Variants in COMMD8 observed in about 807,000 individuals in gnomAD.
The protein encoded by COMMD8 is COMM domain containing 8, also known as COMM domain-containing protein 8.
In COMMD8, 28 loss-of-function variants were observed where a neutral mutation model predicts 27.2. The observed-to-expected ratio is 1.03, with a 90% CI of 0.76 to 1.41. COMMD8 has a LOEUF of 1.41. Among genes scored for constraint, COMMD8 ranks in the 40% most tolerant of loss-of-function variants. The probability of loss-of-function intolerance (pLI) is 0.00; values close to 1 mark genes in which losing one functional copy is unlikely to be tolerated. For missense variants in COMMD8, 217 were observed against 211.2 expected (o/e 1.03, Z -0.17); for synonymous variants, 79 against 75.5 (o/e 1.05, Z -0.24).
In COMMD8 at chr4:47,453,088, G is replaced by A. The variant is rs1402543162; in HGVS notation, c.502C>T (p.Leu168=). Residue 168 remains leucine, a synonymous_variant, in exon 4 of 5, where the codon CTA becomes TTA. Coordinates refer to ENST00000381571, the MANE Select transcript of COMMD8 (RefSeq NM_017845.5). ...IEMSREELQN[L]IQSLEAANKV... ...TTCGCTGCTTCCAAGGACTGTATTA[G>A]ATTCTGCAGCTCCTCTCTACTCATT... 1 of 1,613,140 alleles carries A rather than the reference G, an allele frequency of 6.2e-7. No homozygotes were observed.
intron 3 of COMMD8, among the ~76,000 whole-genome samples, chr4:47,455,503 A>G (rs1729864873): frequency 1.3e-5 from 2 of 152,280 alleles, no homozygotes; most frequent in Non-Finnish European, 2.9e-5. Context: ...CACTTGTTAT[A>G]GCTCTAGTTT....
At chr4:47,454,271 G>T (rs892719051) in intron 3 of COMMD8, among the ~76,000 whole-genome samples, 9 of 152,088 alleles carry the variant, frequency 5.9e-5, no homozygotes, top group African/African-American at 1.9e-4. Flanking sequence ...AATAATATAC[G>T]TTAGTCCTTC....
intron 4 of COMMD8, among the ~76,000 whole-genome samples, chr4:47,452,783 G>A (rs1284896684): frequency 6.6e-6 from 1 of 152,150 alleles, no homozygotes; most frequent in Non-Finnish European, 1.5e-5. Context: ...ATCACTTGAG[G>A]TCAAGAGTTT....
At position 47,453,234 on chromosome 4, in the gene COMMD8, T is replaced by C. The variant is rs753521488; in HGVS notation, c.376-20A>G. ...TGCAAGCTGTTTAAAATCAGAAAAA[T>C]AGCAATTAATAAATAGTAAAAAGAA... On this transcript the variant is annotated intron_variant, in intron 3 of 4. Transcript: ENST00000381571. 7.5e-6 allele frequency: 12 copies of C among 1,602,648 alleles called. No individual in the cohort carries two copies. In the South Asian group the frequency reaches 1.1e-4, roughly 15 times the overall value.
chr4:47,460,322 A>G (rs1281781948), intron 1 of COMMD8, 23 bp from the exon 2 acceptor site: 19 of 1,595,948 alleles, frequency 1.2e-5, no homozygotes, highest in Non-Finnish European at 1.6e-5. Flanking sequence ...AAGGAAATAA[A>G]TGTACTTATA....
At chr4:47,453,286 GT>G in intron 3 of COMMD8, 72 bp from the exon 4 acceptor site, 1 of 1,249,772 alleles carries the variant, frequency 8.0e-7, no homozygotes, top group Non-Finnish European at 1.1e-6. Context: ...TCAGAGGTTA[GT>G]TAGCAGTACA....
intron 1 of COMMD8, among the ~76,000 whole-genome samples, chr4:47,462,908 G>C (rs1730097906): frequency 6.6e-6 from 1 of 152,164 alleles, no homozygotes; most frequent in Admixed American, 6.5e-5. Context: ...AGAGGAAACA[G>C]GAAGCCAAAA....
chr4:47,456,201 C>T (rs1729879712), intron 3 of COMMD8, among the ~76,000 whole-genome samples: 1 of 149,726 alleles, frequency 6.7e-6, no homozygotes, highest in African/African-American at 2.5e-5. Flanking sequence ...AAGCTGAGAT[C>T]GCACCATTGC....
chr4:47,454,610 A>G (rs544235449), intron 3 of COMMD8, among the ~76,000 whole-genome samples: 3 of 152,178 alleles, frequency 2.0e-5, no homozygotes, highest in Non-Finnish European at 4.4e-5. Context: ...TCACGCCTGT[A>G]ATCCCAGCAC....
intron 3 of COMMD8, among the ~76,000 whole-genome samples, chr4:47,454,864 CAAAAAAAAAAAAA>C (rs1187989270): frequency 2.5e-5 from 1 of 39,510 alleles, no homozygotes; most frequent in African/African-American, 1.1e-4. Context: ...AACTCCATCT[CAAAAAAAAAAAAA>C]AAAAAAAAAA....
chr4:47,460,440 G>A, intron 1 of COMMD8, 141 bp from the exon 2 acceptor site: 1 of 619,408 alleles, frequency 1.6e-6, no homozygotes, highest in Non-Finnish European at 2.7e-6. Context: ...CCACTTTTAA[G>A]ATTATTCTAA....
chr4:47,462,857 CCTTT>C (rs1445310056), intron 1 of COMMD8, among the ~76,000 whole-genome samples: 1 of 151,974 alleles, frequency 6.6e-6, no homozygotes, highest in African/African-American at 2.4e-5. Flanking sequence ...TAAGTTCATT[CCTTT>C]CTGTCTCCTC....
chr4:47,463,524 C>G (rs1730123599), intron 1 of COMMD8, 62 bp downstream of exon 1: 1 of 1,479,882 alleles, frequency 6.8e-7, no homozygotes, highest in Admixed American at 2.0e-5. Flanking sequence ...CCGGCCTGAT[C>G]CGCACGCCGG....
rs115182251 is a variant in COMMD8 at position 47,452,995 on chromosome 4, G to A, written c.531+64C>T. On this transcript the variant is annotated intron_variant, in intron 4 of 4. Transcript: ENST00000381571. ...CTGGGTGACAGAGTGAGACTCCAAC[G>A]CAAACAAAAAAAAACCCCAAAACCT... 2.6e-3 allele frequency: 3,723 copies of A among 1,436,748 alleles called. 89 individuals carry two copies. In the African/African-American group the frequency reaches 0.047, roughly 18 times the overall value. The allele number at this position is 1,436,748 out of a possible 1,614,324, so 89.0% of individuals were successfully genotyped here.
intron 3 of COMMD8, among the ~76,000 whole-genome samples, chr4:47,456,124 G>A (rs1729878306): frequency 6.6e-6 from 1 of 151,894 alleles, no homozygotes; most frequent in Non-Finnish European, 1.5e-5. Context: ...GCACATGCCT[G>A]TAGTCCCAGC....
At chr4:47,453,462 C>G (rs979103989) in intron 3 of COMMD8, among the ~76,000 whole-genome samples, 12 of 152,152 alleles carry the variant, frequency 7.9e-5, no homozygotes, top group African/African-American at 2.9e-4. Context: ...GTGGCAGAAG[C>G]AGGTGTCTAG....
intron 4 of COMMD8, among the ~76,000 whole-genome samples, chr4:47,451,977 G>C (rs1578171426): frequency 6.6e-6 from 1 of 152,240 alleles, no homozygotes; most frequent in African/African-American, 2.4e-5. Context: ...CAAATGCAGA[G>C]TGTGGAGAGA....
intron 4 of COMMD8, 117 bp from the exon 5 acceptor site, chr4:47,451,782 T>A: frequency 3.0e-6 from 2 of 667,874 alleles, no homozygotes. Flanking sequence ...AACAAGCAAG[T>A]ACAATGCACA....
chr4:47,458,021 A>G lies in COMMD8; in HGVS notation c.223-1292T>C, dbSNP rs190195619. Among the ~76,000 whole-genome samples, 46 of 152,202 alleles carry G rather than the reference A, an allele frequency of 3.0e-4. No individual in the cohort carries two copies. In the South Asian group the frequency reaches 3.9e-3, roughly 13 times the overall value. On this transcript the variant is annotated intron_variant, in intron 2 of 4. Coordinates refer to ENST00000381571, the MANE Select transcript of COMMD8 (RefSeq NM_017845.5). ...CATTCAAAAATCACATGAACAAAAT[A>G]GAGAAGAAACAATAATAAATTCAGG... is the stretch of plus-strand genomic sequence containing the variant.
Sources: allele counts gnomAD v4.1 joint callset (sites outside exome capture counted in the v4.1 genomes callset), GRCh38; gene constraint gnomAD v4.1.1; transcripts MANE v1.5; gene names NCBI Gene and HGNC (gene_info 2026-07-23, HGNC 2026-07-21).